REV3L: variants seen among roughly 807,000 people sequenced by gnomAD.
REV3L encodes REV3 like, DNA directed polymerase zeta catalytic subunit, also known as DNA polymerase zeta catalytic subunit.
In REV3L, 69 loss-of-function variants were observed where a neutral mutation model predicts 299.4. The ratio of observed to expected loss-of-function variants is 0.23; its 90% CI spans 0.19 to 0.28. REV3L has a LOEUF of 0.28. Among genes scored for constraint, REV3L ranks in the 10% least tolerant of loss-of-function variants. The pLI is 1.00. For synonymous variants in REV3L, 1,238 were observed against 1,271.4 expected (o/e 0.97, Z 0.56); for missense variants, 3,128 against 3,693.8 (o/e 0.85, Z 3.97).
At chr6:111,386,717 ATTT>A (rs67124715) in intron 9 of REV3L, among the ~76,000 whole-genome samples, 311 of 97,624 alleles carry the variant, frequency 3.2e-3, no homozygotes, top group African/African-American at 9.0e-3. Context: ...TAACAGCACT[ATTT>A]TTTTTTTTTT....
At chr6:111,429,949 G>A (rs183141879) in intron 1 of REV3L, among the ~76,000 whole-genome samples, 6 of 152,196 alleles carry the variant, frequency 3.9e-5, no homozygotes, top group African/African-American at 1.2e-4. Flanking sequence ...TGGGCAGCTC[G>A]GGGCACAACT....
Position 111,299,270 on chromosome 6 carries a change from T to C in REV3L, c.*746A>G, listed in dbSNP as rs946309286. On this transcript the variant is annotated 3_prime_UTR_variant, in exon 32 of 32. Coordinates refer to ENST00000368802, the MANE Select transcript of REV3L (RefSeq NM_001372078.1). ...TATTTAGAAGCAATAGAAATGTCTATACAAAACAAGCAAATGGAATAAAAT... is the reference window on the plus strand; with the variant it reads ...TATTTAGAAGCAATAGAAATGTCTACACAAAACAAGCAAATGGAATAAAAT... 1 of 152,610 alleles carries C rather than the reference T, an allele frequency of 6.6e-6. No individual in the cohort carries two copies. The highest frequency in any genetic ancestry group is 1.5e-5 in the Non-Finnish European group (1 of 68,028). 9.5% of individuals were successfully genotyped at this position (152,610 alleles called of 1,614,324 possible). A position where few individuals can be genotyped will look rare whatever the true frequency, so the allele number is the denominator to read the frequency against.
Position 111,392,936 on chromosome 6 carries a change from T to C in REV3L, c.602A>G (p.His201Arg), listed in dbSNP as rs1393671172. ...ATCAGCAAGAGAATTTCCTGATAAA[T>C]GATTCTTGCAGGATCCAGTTGCATG... Reference protein sequence around the residue: ...TLHATGSCKNHLSGNSLADTL... With the variant: ...TLHATGSCKNRLSGNSLADTL... The change falls in exon 5 of 32, where the codon CAT becomes CGT. Residue 201 changes from histidine to arginine, a missense_variant. Physicochemically the swap from His to Arg is conservative, Grantham distance 29. Coordinates refer to ENST00000368802, the MANE Select transcript of REV3L (RefSeq NM_001372078.1). 6.2e-7 allele frequency: 1 copy of C among 1,612,510 alleles called. No individual in the cohort carries two copies. The highest frequency in any genetic ancestry group is 8.5e-7 in the Non-Finnish European group (1 of 1,178,702).
At chr6:111,458,773 G>A (rs766563520) in intron 1 of REV3L, among the ~76,000 whole-genome samples, 25 of 151,928 alleles carry the variant, frequency 1.6e-4, no homozygotes, top group Non-Finnish European at 2.1e-4. Context: ...ACTGCTTAAA[G>A]AATCAGAAAT....
At chr6:111,458,489 A>C (rs1002530640) in intron 1 of REV3L, among the ~76,000 whole-genome samples, 2 of 152,186 alleles carry the variant, frequency 1.3e-5, no homozygotes, top group African/African-American at 4.8e-5. Flanking sequence ...GAAGAAGTCA[A>C]ACTATCTTTC....
intron 25 of REV3L, among the ~76,000 whole-genome samples, chr6:111,324,923 GCA>G (rs1774589832): frequency 6.6e-6 from 1 of 151,020 alleles, no homozygotes; most frequent in African/African-American, 2.4e-5. Context: ...GTACAGTGGC[GCA>G]ATCTCGGCTC....
chr6:111,441,311 G>C (rs1382375406), intron 1 of REV3L, among the ~76,000 whole-genome samples: 1 of 152,102 alleles, frequency 6.6e-6, no homozygotes, highest in Non-Finnish European at 1.5e-5. Context: ...GGAGTGCAGT[G>C]GCGTGATCTT....
chr6:111,366,413 AG>A (rs1450942437), intron 14 of REV3L, among the ~76,000 whole-genome samples: 6 of 152,218 alleles, frequency 3.9e-5, no homozygotes, highest in African/African-American at 1.4e-4. Flanking sequence ...AAAGATATAA[AG>A]AAGGCTTAAG....
Position 111,381,404 on chromosome 6 carries a change from T to C in REV3L, c.1137A>G (p.Glu379=), listed in dbSNP as rs767795005. The C allele has an allele frequency of 1.9e-6, 3 of 1,613,400 alleles. No individual in the cohort carries two copies. Among genetic ancestry groups the C allele is most frequent in the Non-Finnish European group, 1.7e-6 (2 of 1,179,684 alleles). ...TTTCCATAAGGTTCAAAATTGCTTCTTCATTAATAAGAGCTTCTTCCACTT... is the reference window on the plus strand; with the variant it reads ...TTTCCATAAGGTTCAAAATTGCTTCCTCATTAATAAGAGCTTCTTCCACTT... ...RHKVEEALIN[E]EAILNLMENS... The change falls in exon 10 of 32, where the codon GAA becomes GAG. Residue 379 remains glutamate (E), a synonymous_variant. Coordinates refer to ENST00000368802, the MANE Select transcript of REV3L (RefSeq NM_001372078.1).
rs1354193380 is a variant in REV3L, at chr6:111,375,110, T to C, written c.3245A>G (p.His1082Arg). Residue 1082 changes from histidine (H) to arginine (R), a missense_variant, in exon 13 of 32, where the codon CAT becomes CGT. By Grantham distance (29) the His-to-Arg change is conservative (BLOSUM62 0). This residue lies in a region of REV3L where 2,409 missense variants were observed against 2,611.8 expected (regional missense o/e 0.92). Coordinates refer to ENST00000368802, the MANE Select transcript of REV3L (RefSeq NM_001372078.1). ...RTLSFRKKRS[H>R]AILSPPSPSY... Reference sequence around the variant, plus strand: ...TGGTGAGGGAGGAGAAAGAATAGCATGTGACCGTTTTTTCCTGAAAGACAA... The same window carrying C: ...TGGTGAGGGAGGAGAAAGAATAGCACGTGACCGTTTTTTCCTGAAAGACAA... The C allele has an allele frequency of 5.6e-6, 9 of 1,611,048 alleles. No individual in the cohort carries two copies. The Admixed American group carries it at 1.2e-4, about 21-fold the overall frequency.
chr6:111,374,525 G>A lies in REV3L; in HGVS notation c.3830C>T (p.Pro1277Leu), dbSNP rs1398400772. The A allele has an allele frequency of 1.2e-5, 19 of 1,613,882 alleles. No individual in the cohort carries two copies. In the East Asian group the frequency reaches 4.2e-4, roughly 36 times the overall value. ...MPLMGSAVDH[P>L]LSASLPTGIN... ...TCCAGTGGGTAGGGAAGCAGAAAGG[G>A]GATGATCTACAGCAGAGCCCATTAG... The change falls in exon 13 of 32, where the codon CCC becomes CTC. Residue 1277 changes from proline to leucine, a missense_variant. Coordinates refer to ENST00000368802, the MANE Select transcript of REV3L (RefSeq NM_001372078.1).
intron 1 of REV3L, chr6:111,431,169 G>C: frequency 6.4e-7 from 1 of 1,561,584 alleles, no homozygotes; most frequent in Admixed American, 1.7e-5. Flanking sequence ...ATGAGTTTTT[G>C]GCCACGTGCC....
intron 31 of REV3L, 125 bp downstream of exon 31, chr6:111,307,236 T>C (rs1314799212): frequency 5.5e-6 from 4 of 732,160 alleles, no homozygotes; most frequent in Non-Finnish European, 9.3e-6. Flanking sequence ...AGGAAGTTTA[T>C]CATTTAGACT....
In REV3L at chr6:111,422,682, A is replaced by G. The variant is rs867040681; in HGVS notation, c.140-6210T>C. Among the ~76,000 whole-genome samples the G allele has an allele frequency of 1.2e-3, 113 of 91,774 alleles. 9 individuals carry two copies. The highest frequency in any genetic ancestry group is 1.8e-3 in the African/African-American group (58 of 32,098). 60.2% of individuals were successfully genotyped at this position (91,774 alleles called of 152,430 possible). ...TATATACATATATATATATATACGT[A>G]TATATATATATATATATATTTCCCC... On this transcript the variant is annotated intron_variant, in intron 1 of 31. Coordinates refer to ENST00000368802, the MANE Select transcript of REV3L (RefSeq NM_001372078.1).
At chr6:111,466,007 T>A (rs1354449333) in intron 1 of REV3L, among the ~76,000 whole-genome samples, 1 of 152,136 alleles carries the variant, frequency 6.6e-6, no homozygotes, top group Non-Finnish European at 1.5e-5. Flanking sequence ...GCTACAGCTA[T>A]GCAACAAGAC....
chr6:111,411,521 G>T lies in REV3L; in HGVS notation c.363C>A (p.His121Gln). 6.3e-7 allele frequency: 1 copy of T among 1,590,120 alleles called. No homozygotes were observed. Among genetic ancestry groups the T allele is most frequent in the African/African-American group, 1.3e-5 (1 of 74,114 alleles). ...PFYGYHEKER[H>Q]FMKIYLYNPT... ...GATTGTAAAGATAGATCTTCATAAA[G>T]TGTCTTTCCTTCTCATGATAACCAT... The change falls in exon 3 of 32, where the codon CAC becomes CAA. Residue 121 changes from histidine to glutamine, a missense_variant. Physicochemically the swap from His to Gln is conservative, Grantham distance 24 (BLOSUM62 0). Around this residue, in one of 9 missense-constraint regions of REV3L, gnomAD observed 2,409 missense variants for 2,611.8 expected, o/e 0.92. Transcript: ENST00000368802.
At chr6:111,311,355 C>A in intron 28 of REV3L, 96 bp from the exon 29 acceptor site, 1 of 799,972 alleles carries the variant, frequency 1.3e-6, no homozygotes, top group Non-Finnish European at 1.9e-6. Context: ...ACTGGGTAAC[C>A]TGCTAACCTA....
intron 1 of REV3L, among the ~76,000 whole-genome samples, chr6:111,448,767 C>G (rs999533668): frequency 6.6e-6 from 1 of 150,768 alleles, no homozygotes; most frequent in African/African-American, 2.4e-5. Flanking sequence ...ACTACAGGAG[C>G]ACACCACCAC....
chr6:111,393,312 C>T (rs775188369), intron 4 of REV3L, among the ~76,000 whole-genome samples: 14 of 152,056 alleles, frequency 9.2e-5, no homozygotes, highest in Non-Finnish European at 1.8e-4. Flanking sequence ...CCACCATGCC[C>T]GGCTGGTAAA....
Sources: gnomAD v4.1 joint callset for allele counts (sites outside exome capture counted in the v4.1 genomes callset) on GRCh38, gnomAD v4.1.1 for gene constraint, gnomAD v4.1.1 regional missense constraint, MANE v1.5 for transcripts, NCBI Gene and HGNC (gene_info 2026-07-23, HGNC 2026-07-21) for gene names.